Variants in ERC1 observed in about 807,000 individuals in gnomAD.
ERC1 encodes RAB6 interacting protein 2.
ERC1 carries 56 observed loss-of-function variants against 132.0 expected under a neutral mutation model. The observed-to-expected ratio is 0.42, with a 90% CI of 0.34 to 0.53. The LOEUF is 0.53. ERC1 is among the 20% of genes least tolerant of loss of function. The pLI is 0.03. For missense variants in ERC1, 1,202 were observed against 1,349.9 expected, an observed-to-expected ratio of 0.89 and a Z score of 1.72; for synonymous variants, 478 against 476.1, an observed-to-expected ratio of 1.00 and a Z score of -0.05.
intron 2 of ERC1, among the ~76,000 whole-genome samples, chr12:1,029,516 A>G (rs1051972071): frequency 5.9e-5 from 9 of 152,238 alleles, no homozygotes; most frequent in African/African-American, 2.2e-4. Flanking sequence ...GTGATTGTTT[A>G]CTTGTAGAAA....
intron 2 of ERC1, among the ~76,000 whole-genome samples, chr12:1,041,546 TC>T (rs1311178021): frequency 2.8e-4 from 42 of 152,266 alleles, no homozygotes; most frequent in Non-Finnish European, 5.4e-4. Context: ...GGACTACAAA[TC>T]TAAAGGCCTT....
chr12:1,339,863 G>A (rs1226282855), intron 15 of ERC1, among the ~76,000 whole-genome samples: 5 of 152,152 alleles, frequency 3.3e-5, no homozygotes, highest in African/African-American at 1.2e-4. Flanking sequence ...GGGCTGGCTG[G>A]TTCTGTGCTC....
At chr12:1,425,630 A>G (rs570439827) in intron 17 of ERC1, among the ~76,000 whole-genome samples, 2 of 152,310 alleles carry the variant, frequency 1.3e-5, no homozygotes, top group South Asian at 4.1e-4. Context: ...CTGTGAGACA[A>G]TGTTGATCTG....
At position 1,150,033 on chromosome 12, in the gene ERC1, T is replaced by C. The variant is rs140961215; in HGVS notation, c.1737+8246T>C. Among the ~76,000 whole-genome samples the C allele has an allele frequency of 7.9e-4, 120 of 152,310 alleles. No individual in the cohort carries two copies. The South Asian group carries it at 8.5e-3, about 11-fold the overall frequency. On this transcript the variant is annotated intron_variant, in intron 8 of 18. Transcript: ENST00000360905. ...TGCTTTAGGGGAAGGTTGTTTTGAATATCTTAGGGGGATTTACAGTGCACT... is the reference window on the plus strand; with the variant it reads ...TGCTTTAGGGGAAGGTTGTTTTGAACATCTTAGGGGGATTTACAGTGCACT...
intron 2 of ERC1, among the ~76,000 whole-genome samples, chr12:1,043,004 TAC>T (rs1197743892): frequency 6.6e-6 from 1 of 151,828 alleles, no homozygotes; most frequent in Non-Finnish European, 1.5e-5. Context: ...TTATCTATGG[TAC>T]AGAGTATCTT....
At chr12:1,151,124 A>C (rs575902635) in intron 8 of ERC1, among the ~76,000 whole-genome samples, 1 of 152,240 alleles carries the variant, frequency 6.6e-6, no homozygotes, top group Non-Finnish European at 1.5e-5. Context: ...TTAAAAAATC[A>C]ATTCAAATTT....
intron 7 of ERC1, among the ~76,000 whole-genome samples, chr12:1,126,860 T>G (rs1948217613): frequency 6.6e-6 from 1 of 151,724 alleles, no homozygotes; most frequent in South Asian, 2.1e-4. Flanking sequence ...TGGTGGCACG[T>G]GCCTGTAGTC....
chr12:1,114,425 G>T lies in ERC1; in HGVS notation c.1402-1441G>T, dbSNP rs569378291. On this transcript the variant is annotated intron_variant, in intron 6 of 18. Transcript: ENST00000360905. ...TAATAATGCAGATGATGACGAAACA[G>T]ATTTTTATATTTATTTTTGACCACG... Among the ~76,000 whole-genome samples the T allele has an allele frequency of 2.0e-5, 3 of 152,298 alleles. No homozygotes were observed. In the South Asian group the frequency reaches 6.2e-4, roughly 32 times the overall value.
intron 15 of ERC1, among the ~76,000 whole-genome samples, chr12:1,325,227 G>A (rs73036630): frequency 0.044 from 6,742 of 152,222 alleles, 185 homozygotes; most frequent in Middle Eastern, 0.082. Context: ...TCTTTAAGCT[G>A]TAATAAAACG....
chr12:1,083,087 G>A (rs1248615606), intron 2 of ERC1, 77 bp from the exon 3 acceptor site: 8 of 1,262,386 alleles, frequency 6.3e-6, no homozygotes, highest in Non-Finnish European at 8.8e-6. Context: ...AGCTATTTTT[G>A]ATTCCTGCAG....
chr12:1,015,672 A>C (rs1471383097), intron 1 of ERC1, among the ~76,000 whole-genome samples: 2 of 152,138 alleles, frequency 1.3e-5, no homozygotes, highest in Non-Finnish European at 2.9e-5. Flanking sequence ...TTTTTGGTTT[A>C]TTGTTCATCT....
chr12:1,082,999 A>G (rs1249858117), intron 2 of ERC1, 165 bp from the exon 3 acceptor site: 3 of 597,700 alleles, frequency 5.0e-6, no homozygotes, highest in Non-Finnish European at 8.7e-6. Flanking sequence ...GACATTTTGC[A>G]TATTATCTCA....
intron 17 of ERC1, among the ~76,000 whole-genome samples, chr12:1,412,898 C>T (rs2091922944): frequency 6.6e-6 from 1 of 152,150 alleles, no homozygotes; most frequent in Non-Finnish European, 1.5e-5. Flanking sequence ...AATGTTAGTT[C>T]CTGTTGTTAC....
At chr12:1,154,213 G>A (rs866892302) in intron 8 of ERC1, among the ~76,000 whole-genome samples, 1 of 142,900 alleles carries the variant, frequency 7.0e-6, no homozygotes, top group Non-Finnish European at 1.5e-5. Context: ...GTGTGTGTGT[G>A]TATGTATATG....
chr12:1,326,994 C>T (rs2082491709), intron 15 of ERC1, among the ~76,000 whole-genome samples: 1 of 152,002 alleles, frequency 6.6e-6, no homozygotes, highest in Admixed American at 6.6e-5. Context: ...TATGTCTTAA[C>T]ATGTTACCTC....
chr12:1,396,189 G>A (rs1300962105), intron 16 of ERC1, among the ~76,000 whole-genome samples: 1 of 152,214 alleles, frequency 6.6e-6, no homozygotes, highest in Non-Finnish European at 1.5e-5. Context: ...ATAACTCACT[G>A]TGGTAACACT....
At chr12:1,424,048 G>GTA (rs1214348319) in intron 17 of ERC1, among the ~76,000 whole-genome samples, 2 of 151,530 alleles carry the variant, frequency 1.3e-5, no homozygotes, top group Non-Finnish European at 2.9e-5. Context: ...GTGTGTGTGT[G>GTA]TGTATGTTTC....
upstream of ERC1, among the ~76,000 whole-genome samples, chr12:990,805 G>C (rs539559509): frequency 1.3e-5 from 2 of 152,040 alleles, no homozygotes; most frequent in African/African-American, 4.8e-5. Flanking sequence ...GCGCCGCTTA[G>C]GTTTGGGAAG....
chr12:1,050,047 A>G (rs959939135), intron 2 of ERC1, among the ~76,000 whole-genome samples: 2 of 152,082 alleles, frequency 1.3e-5, no homozygotes, highest in African/African-American at 4.8e-5. Flanking sequence ...CCGGCCAATG[A>G]CATTTTAAAA....
Sources: gnomAD v4.1 joint callset for allele counts (sites outside exome capture counted in the v4.1 genomes callset) on GRCh38, gnomAD v4.1.1 for gene constraint, MANE v1.5 for transcripts, NCBI Gene and HGNC (gene_info 2026-07-23, HGNC 2026-07-21) for gene names.